The following GPR158 variants were observed in gnomAD, a reference collection of about 807,000 sequenced individuals.
GPR158 encodes the protein metabotropic glycine receptor.
A neutral mutation model predicts 78.2 loss-of-function variants in GPR158; 30 were observed. The observed-to-expected ratio is 0.38, with a 90% CI of 0.29 to 0.52. GPR158 has a LOEUF of 0.52. Ranked by LOEUF, GPR158 falls within the 20% of genes least tolerant of loss-of-function variation. GPR158 has a pLI of 0.83. For missense variants in GPR158, 1,463 were observed against 1,523.5 expected, an observed-to-expected ratio of 0.96 and a Z score of 0.66; for synonymous variants, 581 against 591.1, an observed-to-expected ratio of 0.98 and a Z score of 0.25.
At chr10:25,331,281 C>G (rs1240137200) in intron 2 of GPR158, among the ~76,000 whole-genome samples, 1 of 152,166 alleles carries the variant, frequency 6.6e-6, no homozygotes, top group Non-Finnish European at 1.5e-5. Flanking sequence ...TACTTTCTAT[C>G]TACTGAGTAG....
At chr10:25,192,786 TAAAA>T (rs547118550) in intron 1 of GPR158, among the ~76,000 whole-genome samples, 6 of 148,408 alleles carry the variant, frequency 4.0e-5, no homozygotes, top group African/African-American at 7.4e-5. Context: ...AGAAAAATGA[TAAAA>T]AAAAATAAAA....
chr10:25,304,369 G>C (rs1489602381), intron 2 of GPR158, among the ~76,000 whole-genome samples: 1 of 152,098 alleles, frequency 6.6e-6, no homozygotes, highest in Non-Finnish European at 1.5e-5. Flanking sequence ...GAAAGTTGAA[G>C]AGAGGTAAGA....
intron 5 of GPR158, among the ~76,000 whole-genome samples, chr10:25,527,993 GAT>G (rs1259850973): frequency 6.6e-6 from 1 of 151,962 alleles, no homozygotes; most frequent in African/African-American, 2.4e-5. Context: ...TGACAGAAGA[GAT>G]AGGAAATTTG....
In GPR158 at chr10:25,342,658, T is replaced by A. The variant is rs189909647; in HGVS notation, c.1009-53253T>A. On this transcript the variant is annotated intron_variant, in intron 2 of 10. Coordinates refer to ENST00000376351, the MANE Select transcript of GPR158 (RefSeq NM_020752.3). ...CTTCCTGTTGTTTCAGACAATTATT[T>A]TCATTGTCTCTGGAATCTGCCTTTA... Among the ~76,000 whole-genome samples, 4 of 152,086 alleles carry A rather than the reference T, an allele frequency of 2.6e-5. No homozygotes were observed. The East Asian group carries it at 7.8e-4, about 30-fold the overall frequency.
intron 5 of GPR158, among the ~76,000 whole-genome samples, chr10:25,546,320 T>G (rs1037158486): frequency 6.6e-6 from 1 of 152,172 alleles, no homozygotes; most frequent in African/African-American, 2.4e-5. Context: ...CCCCATTAGC[T>G]GTGTTCAGTA....
intron 2 of GPR158, among the ~76,000 whole-genome samples, chr10:25,241,304 CT>C (rs1436161818): frequency 1.1e-4 from 11 of 95,832 alleles, no homozygotes; most frequent in African/African-American, 4.0e-4. Context: ...CTTTTCTTTT[CT>C]TTTCTTTTCT....
At chr10:25,398,367 A>G (rs1021712852) in intron 3 of GPR158, among the ~76,000 whole-genome samples, 1 of 152,128 alleles carries the variant, frequency 6.6e-6, no homozygotes, top group Admixed American at 6.5e-5. Context: ...GCGACACCGG[A>G]GCTACTCTGG....
At position 25,600,415 on chromosome 10, in the gene GPR158, C is replaced by A. The variant is rs1275678567; in HGVS notation, c.*1141C>A. The A allele has an allele frequency of 1.3e-5, 2 of 152,122 alleles. No homozygotes were observed. Among genetic ancestry groups the A allele is most frequent in the Non-Finnish European group, 2.9e-5 (2 of 68,008 alleles). The allele number at this position is 152,122 out of a possible 1,614,324, so 9.4% of individuals were successfully genotyped here. ...ATAAGAATTATAGCAGTACTATAAA[C>A]CCAGGAAGTTTGCCTTTCAAAAAAA... is the stretch of plus-strand genomic sequence containing the variant. On this transcript the variant is annotated 3_prime_UTR_variant, in exon 11 of 11. Transcript: ENST00000376351.
At chr10:25,400,177 A>C (rs1343461107) in intron 3 of GPR158, among the ~76,000 whole-genome samples, 1 of 152,194 alleles carries the variant, frequency 6.6e-6, no homozygotes, top group Non-Finnish European at 1.5e-5. Context: ...GGACCTTTGG[A>C]GAATGAATTC....
chr10:25,565,303 T>TCC (rs1836914683), intron 6 of GPR158, among the ~76,000 whole-genome samples: 5 of 152,144 alleles, frequency 3.3e-5, no homozygotes, highest in Non-Finnish European at 5.9e-5. Context: ...TGAATAATAG[T>TCC]GATAATTGGA....
chr10:25,545,960 G>C (rs897120599), intron 5 of GPR158, among the ~76,000 whole-genome samples: 2 of 152,128 alleles, frequency 1.3e-5, no homozygotes, highest in African/African-American at 4.8e-5. Flanking sequence ...TTTCCAAGGA[G>C]AGCTGATGAG....
intron 4 of GPR158, among the ~76,000 whole-genome samples, chr10:25,455,747 A>G (rs1012134759): frequency 8.5e-5 from 13 of 152,236 alleles, no homozygotes; most frequent in Non-Finnish European, 1.5e-4. Context: ...ATTGCAACAT[A>G]TTAATAATTC....
At chr10:25,552,956 CA>C (rs1018500184) in intron 6 of GPR158, among the ~76,000 whole-genome samples, 6 of 152,326 alleles carry the variant, frequency 3.9e-5, no homozygotes, top group African/African-American at 1.4e-4. Flanking sequence ...AGGTCTTTAA[CA>C]CTTGCTGAAT....
At chr10:25,507,115 G>A (rs991644343) in intron 5 of GPR158, among the ~76,000 whole-genome samples, 1 of 152,228 alleles carries the variant, frequency 6.6e-6, no homozygotes, top group African/African-American at 2.4e-5. Flanking sequence ...GATCCAGACA[G>A]CTACATGGAG....
At chr10:25,526,478 C>T (rs1836348838) in intron 5 of GPR158, among the ~76,000 whole-genome samples, 1 of 151,940 alleles carries the variant, frequency 6.6e-6, no homozygotes, top group Non-Finnish European at 1.5e-5. Context: ...AGGAGGGGGC[C>T]ACAGGAGGCG....
intron 2 of GPR158, among the ~76,000 whole-genome samples, chr10:25,311,476 A>G (rs558941222): frequency 6.6e-6 from 1 of 151,984 alleles, no homozygotes; most frequent in South Asian, 2.1e-4. Flanking sequence ...CATGTTATTT[A>G]TTGTGTATAT....
intron 5 of GPR158, among the ~76,000 whole-genome samples, chr10:25,543,859 A>T (rs1836622925): frequency 6.6e-6 from 1 of 152,184 alleles, no homozygotes; most frequent in Admixed American, 6.5e-5. Context: ...AGCATTTGAA[A>T]AAACTTCCCA....
intron 2 of GPR158, among the ~76,000 whole-genome samples, chr10:25,263,109 A>G (rs1332020255): frequency 1.3e-5 from 2 of 152,318 alleles, no homozygotes; most frequent in East Asian, 3.9e-4. Flanking sequence ...TATTGTATCT[A>G]AAAAGTACTT....
chr10:25,333,096 G>T (rs931060234), intron 2 of GPR158, among the ~76,000 whole-genome samples: 1 of 152,040 alleles, frequency 6.6e-6, no homozygotes, highest in Admixed American at 6.6e-5. Context: ...AACGAGAGAG[G>T]CACTCAAAGA....
Sources: gnomAD v4.1 joint callset for allele counts (sites outside exome capture counted in the v4.1 genomes callset) on GRCh38, gnomAD v4.1.1 for gene constraint, MANE v1.5 for transcripts, NCBI Gene and HGNC (gene_info 2026-07-23, HGNC 2026-07-21) for gene names.